CHRNB4: variants seen among roughly 807,000 people sequenced by gnomAD.
CHRNB4 encodes the protein cholinergic receptor nicotinic beta 4 subunit.
CHRNB4 carries 23 observed loss-of-function variants against 40.4 expected under a neutral mutation model. The ratio of observed to expected loss-of-function variants is 0.57; its 90% CI spans 0.41 to 0.81. The LOEUF (loss-of-function observed/expected upper bound fraction) is 0.81, where lower values mean the gene tolerates loss of function less well. Ranked by LOEUF, CHRNB4 falls within the 30% of genes least tolerant of loss-of-function variation. CHRNB4 has a pLI of 0.00. For synonymous variants in CHRNB4, 285 were observed against 274.4 expected (o/e 1.04, Z -0.38); for missense variants, 568 against 670.6 (o/e 0.85, Z 1.69).
In CHRNB4 at chr15:78,624,523, G is replaced by T. The variant is rs1341509089; in HGVS notation, c.*610C>A. On this transcript the variant is annotated 3_prime_UTR_variant, in exon 6 of 6. Transcript: ENST00000261751. ...CTCACACTTGTAATCCTAGCACTTTGGGAGGCCGAGGCAGGTGGGTCATTT... is the reference window on the plus strand; with the variant it reads ...CTCACACTTGTAATCCTAGCACTTTTGGAGGCCGAGGCAGGTGGGTCATTT... 6.4e-6 allele frequency: 1 copy of T among 155,774 alleles called. No individual in the cohort carries two copies. The highest frequency in any genetic ancestry group is 2.4e-5 in the African/African-American group (1 of 41,490). 9.6% of individuals were successfully genotyped at this position (155,774 alleles called of 1,614,324 possible). A position where few individuals can be genotyped will look rare whatever the true frequency, so the allele number is the denominator to read the frequency against.
chr15:78,629,085 G>T lies in CHRNB4; in HGVS notation c.1220C>A (p.Ala407Asp). The part of the protein sequence containing the change: ...SKSPAGSTPV[A>D]IPRDFWLRSS... ...CCGCAGCCAGAAATCCCTGGGGATA[G>T]CCACCGGGGTAGAGCCGGCTGGAGA... is the stretch of plus-strand genomic sequence containing the variant. Residue 407 changes from alanine to aspartate, a missense_variant, in exon 5 of 6, where the codon GCT (alanine) becomes GAT (aspartate). Coordinates refer to ENST00000261751, the MANE Select transcript of CHRNB4 (RefSeq NM_000750.5). This position sits in a 1 kb window ranked among gnomAD's most constrained non-coding sequence, Gnocchi z 6.8. 2 of 1,614,228 alleles carry T rather than the reference G, an allele frequency of 1.2e-6. No homozygotes were observed. The highest frequency in any genetic ancestry group is 1.3e-5 in the African/African-American group (1 of 75,046).
At chr15:78,643,261 T>G (rs1003966749), upstream of CHRNB4, among the ~76,000 whole-genome samples, 1 of 151,166 alleles carries the variant, frequency 6.6e-6, no homozygotes, top group African/African-American at 2.4e-5. Flanking sequence ...CAAGTTAGGT[T>G]TTTTTTTTGA....
At chr15:78,654,902 T>C (rs984849147) in intron 5 of CHRNB4, among the ~76,000 whole-genome samples, 1 of 152,186 alleles carries the variant, frequency 6.6e-6, no homozygotes. Context: ...GCCACTGTTC[T>C]AATTTCTAAA....
At chr15:78,660,179 C>A (rs2054240464) in intron 1 of CHRNB4, among the ~76,000 whole-genome samples, 1 of 150,414 alleles carries the variant, frequency 6.6e-6, no homozygotes, top group African/African-American at 2.5e-5. Context: ...TGCACTCCAG[C>A]CTGAGCAACA....
intron 2 of CHRNB4, among the ~76,000 whole-genome samples, chr15:78,658,033 T>TC (rs2054228441): frequency 2.2e-5 from 3 of 138,528 alleles, no homozygotes; most frequent in South Asian, 2.4e-4. Flanking sequence ...TTTCTCTTTT[T>TC]TTTTTTTTTT....
At chr15:78,632,568 C>T (rs1224490804) in intron 2 of CHRNB4, among the ~76,000 whole-genome samples, 1 of 152,074 alleles carries the variant, frequency 6.6e-6, no homozygotes, top group Admixed American at 6.6e-5. Context: ...ATCTCAGCCT[C>T]CCAAAGTGCT....
intron 6 of CHRNB4, among the ~76,000 whole-genome samples, chr15:78,652,150 G>C (rs944153361): frequency 6.6e-6 from 1 of 152,202 alleles, no homozygotes; most frequent in African/African-American, 2.4e-5. Context: ...AGCTGCAGCA[G>C]GAGGTGGAGC....
chr15:78,641,031 T>C (rs769852719), intron 1 of CHRNB4, 48 bp downstream of exon 1: 1 of 1,543,392 alleles, frequency 6.5e-7, no homozygotes, highest in South Asian at 1.2e-5. Context: ...TCCAGCCCCT[T>C]TCAGCCCAAC....
chr15:78,625,562 GC>G (rs1427452992), intron 5 of CHRNB4, among the ~76,000 whole-genome samples: 2 of 152,194 alleles, frequency 1.3e-5, no homozygotes, highest in Non-Finnish European at 2.9e-5. Context: ...GAATGTGAGG[GC>G]TTGTTAATAC....
chr15:78,653,220 A>G (rs569740745), intron 5 of CHRNB4, among the ~76,000 whole-genome samples: 3 of 152,174 alleles, frequency 2.0e-5, no homozygotes, highest in Non-Finnish European at 4.4e-5. Context: ...GTCATAACTA[A>G]TGATGTGTAC....
intron 1 of CHRNB4, among the ~76,000 whole-genome samples, chr15:78,635,838 T>A (rs1256190645): frequency 6.6e-6 from 1 of 152,218 alleles, no homozygotes; most frequent in East Asian, 1.9e-4. Context: ...CATCCCACTC[T>A]ACATATCTGG....
chr15:78,654,913 T>C (rs962124143), intron 5 of CHRNB4, among the ~76,000 whole-genome samples: 6 of 152,162 alleles, frequency 3.9e-5, no homozygotes, highest in Non-Finnish European at 7.3e-5. Flanking sequence ...AATTTCTAAA[T>C]GGTATAGATT....
chr15:78,647,690 C>CAAAAAAAAAA (rs57493774), intron 7 of CHRNB4, among the ~76,000 whole-genome samples: 4 of 62,204 alleles, frequency 6.4e-5, no homozygotes, highest in East Asian at 4.6e-4. Context: ...ACTAAAAATC[C>CAAAAAAAAAA]AAAAAAAAAA....
In CHRNB4 at chr15:78,629,195, G is replaced by C. The variant is rs759435498; in HGVS notation, c.1110C>G (p.Pro370=). ...FPPSKSCVTK[P]EATATSTSPS... The stretch of plus-strand genomic sequence containing the variant: ...GGCTGGTGGAGGTGGCGGTGGCCTC[G>C]GGCTTGGTCACGCATGACTTGCTGG... The change falls in exon 5 of 6, where the codon CCC becomes CCG. Residue 370 remains proline (P), a synonymous_variant. Coordinates refer to ENST00000261751, the MANE Select transcript of CHRNB4 (RefSeq NM_000750.5). This position sits in a 1 kb window ranked among gnomAD's most constrained non-coding sequence, Gnocchi z 6.8. The C allele has an allele frequency of 1.2e-6, 2 of 1,613,798 alleles. No individual in the cohort carries two copies. Among genetic ancestry groups the C allele is most frequent in the Middle Eastern group, 1.6e-4 (1 of 6,062 alleles).
chr15:78,640,988 G>A, intron 1 of CHRNB4, 91 bp downstream of exon 1: 2 of 1,403,090 alleles, frequency 1.4e-6, no homozygotes, highest in Non-Finnish European at 1.9e-6. Flanking sequence ...CCCGGGCGCA[G>A]GGCACCCTCC....
rs1313969790 is a variant in CHRNB4 at position 78,630,048 on chromosome 15, T to C, written c.360-103A>G. ...GCCCTTTGGGATTATTTCCCACTAA[T>C]CACCCTTCCAATCCCCCAGGCCCTC... is the stretch of plus-strand genomic sequence containing the variant. On this transcript the variant is annotated intron_variant, in intron 4 of 5. Coordinates refer to ENST00000261751, the MANE Select transcript of CHRNB4 (RefSeq NM_000750.5). 3.8e-6 allele frequency: 5 copies of C among 1,308,922 alleles called. No homozygotes were observed. The East Asian group carries it at 7.6e-5, about 20-fold the overall frequency. 81.1% of individuals were successfully genotyped at this position (1,308,922 alleles called of 1,614,324 possible). A position where few individuals can be genotyped will look rare whatever the true frequency, so the allele number is the denominator to read the frequency against.
intron 5 of CHRNB4, among the ~76,000 whole-genome samples, chr15:78,628,372 C>T (rs567543280): frequency 1.1e-4 from 16 of 152,342 alleles, no homozygotes; most frequent in Admixed American, 2.6e-4. Flanking sequence ...TGCAGAGTCA[C>T]TTCCCAGCCT....
intron 7 of CHRNB4, chr15:78,649,249 T>A (rs1405054004): frequency 3.8e-6 from 1 of 262,798 alleles, no homozygotes; most frequent in Non-Finnish European, 7.6e-6. Flanking sequence ...GCCCTTCCAT[T>A]TCTCGGTGTG....
chr15:78,626,963 A>G (rs2141361416), intron 5 of CHRNB4: 1 of 152,372 alleles, frequency 6.6e-6, no homozygotes, highest in African/African-American at 2.4e-5. Flanking sequence ...TCAGCCAGGG[A>G]TGCAGGAGAC....
Sources: gnomAD v4.1 joint callset for allele counts (sites outside exome capture counted in the v4.1 genomes callset) on GRCh38, gnomAD v4.1.1 for gene constraint, Gnocchi (gnomAD v3.1) non-coding constraint, MANE v1.5 for transcripts, NCBI Gene and HGNC (gene_info 2026-07-23, HGNC 2026-07-21) for gene names.